RBFOX1: variants seen among roughly 807,000 people sequenced by gnomAD.
The protein encoded by RBFOX1 is RNA binding fox-1 homolog 1, also known as RNA binding protein fox-1 homolog 1.
A neutral mutation model predicts 57.7 loss-of-function variants in RBFOX1; 8 were observed. That is an observed-to-expected ratio of 0.14 (90% CI 0.08 to 0.25). RBFOX1 has a LOEUF of 0.25. RBFOX1 is among the 10% of genes least tolerant of loss of function. RBFOX1 has a pLI of 1.00. For synonymous variants in RBFOX1, 326 were observed against 222.4 expected, an observed-to-expected ratio of 1.47 and a Z score of -4.15; for missense variants, 611 against 548.5, an observed-to-expected ratio of 1.11 and a Z score of -1.14.
At chr16:6,973,185 G>A (rs1323528266) in intron 3 of RBFOX1, among the ~76,000 whole-genome samples, 3 of 151,170 alleles carry the variant, frequency 2.0e-5, no homozygotes, top group Admixed American at 1.3e-4. Context: ...TTGAGAGAGT[G>A]TGTGTGTGGT....
chr16:6,944,337 G>T (rs962267564), intron 3 of RBFOX1, among the ~76,000 whole-genome samples: 1 of 150,278 alleles, frequency 6.7e-6, no homozygotes, highest in African/African-American at 2.4e-5. Flanking sequence ...GGAGGTTGCA[G>T]TGTGCCAAGA....
intron 3 of RBFOX1, among the ~76,000 whole-genome samples, chr16:6,986,148 C>G (rs900011840): frequency 1.1e-4 from 13 of 120,536 alleles, no homozygotes; most frequent in African/African-American, 4.4e-4. Flanking sequence ...TGTACAATAA[C>G]CCTTATATAC....
At chr16:5,486,157 C>A (rs892228609) in intron 2 of RBFOX1, among the ~76,000 whole-genome samples, 4 of 152,196 alleles carry the variant, frequency 2.6e-5, no homozygotes, top group African/African-American at 9.7e-5. Context: ...TAAAAATGCT[C>A]TTCAATTCAG....
intron 2 of RBFOX1, among the ~76,000 whole-genome samples, chr16:6,612,860 A>ATAAT (rs1555612722): frequency 0.08 from 2,228 of 27,814 alleles, 31 homozygotes; most frequent in Middle Eastern, 0.27. Context: ...AAAAAAAAAA[A>ATAAT]AAAAATAATA....
chr16:6,984,717 T>G lies in RBFOX1; in HGVS notation c.-15-67340T>G, dbSNP rs181620476. On this transcript the variant is annotated intron_variant, in intron 3 of 15. Coordinates refer to ENST00000550418, the MANE Select transcript of RBFOX1 (RefSeq NM_018723.4). ...GTGCAGTGGTGTGATCTCTTCTCACTGCAACCTCTGCCTCCCAGGTTCATG... is the reference window on the plus strand; with the variant it reads ...GTGCAGTGGTGTGATCTCTTCTCACGGCAACCTCTGCCTCCCAGGTTCATG... Among the ~76,000 whole-genome samples the G allele has an allele frequency of 2.2e-3, 335 of 152,264 alleles. 3 individuals carry two copies. The highest frequency in any genetic ancestry group is 0.019 in the Admixed American group (296 of 15,274).
chr16:6,440,801 GAAAAAAAA>G (rs140805062), intron 2 of RBFOX1, among the ~76,000 whole-genome samples: 1 of 118,584 alleles, frequency 8.4e-6, no homozygotes, highest in Non-Finnish European at 1.7e-5. Flanking sequence ...ACACCATCTG[GAAAAAAAA>G]AAAAAAAAAA....
At chr16:7,450,827 T>G (rs2098846353) in intron 4 of RBFOX1, among the ~76,000 whole-genome samples, 1 of 152,034 alleles carries the variant, frequency 6.6e-6, no homozygotes. Context: ...TTCAGGGGTC[T>G]GGTGGGGTGG....
chr16:6,265,540 G>T (rs753389045), intron 1 of RBFOX1, among the ~76,000 whole-genome samples: 2 of 152,140 alleles, frequency 1.3e-5, no homozygotes, highest in Non-Finnish European at 2.9e-5. Context: ...GGGATTACAG[G>T]TATGAGCCAC....
chr16:6,413,233 C>T (rs1428055290), intron 2 of RBFOX1, among the ~76,000 whole-genome samples: 1 of 150,502 alleles, frequency 6.6e-6, no homozygotes, highest in Non-Finnish European at 1.5e-5. Context: ...GCATGAAGAT[C>T]ACTTGAACCC....
chr16:6,421,819 C>G (rs1449495313), intron 2 of RBFOX1, among the ~76,000 whole-genome samples: 2 of 151,956 alleles, frequency 1.3e-5, no homozygotes, highest in Non-Finnish European at 2.9e-5. Flanking sequence ...CAGTCAGACT[C>G]CGTCTTATGC....
chr16:6,452,958 A>G (rs912100663), intron 2 of RBFOX1, among the ~76,000 whole-genome samples: 6 of 152,178 alleles, frequency 3.9e-5, no homozygotes, highest in African/African-American at 1.4e-4. Context: ...TGCTTAGTAT[A>G]ACTTCTGTAT....
intron 4 of RBFOX1, among the ~76,000 whole-genome samples, chr16:5,983,231 G>T (rs558367383): frequency 6.6e-6 from 1 of 152,356 alleles, no homozygotes; most frequent in African/African-American, 2.4e-5. Flanking sequence ...TCCTCAGAAA[G>T]TGGCAGATCC....
At chr16:7,534,425 C>T (rs538645719) in intron 5 of RBFOX1, among the ~76,000 whole-genome samples, 4 of 152,062 alleles carry the variant, frequency 2.6e-5, no homozygotes, top group Non-Finnish European at 5.9e-5. Flanking sequence ...TGAGGACACA[C>T]AATAGAGCCA....
intron 4 of RBFOX1, among the ~76,000 whole-genome samples, chr16:7,204,343 C>G (rs1307016194): frequency 2.0e-5 from 3 of 152,138 alleles, no homozygotes; most frequent in African/African-American, 7.2e-5. Context: ...TTAGCATTCC[C>G]ATATTTATAA....
chr16:6,841,030 T>C (rs1312057880), intron 3 of RBFOX1, among the ~76,000 whole-genome samples: 2 of 152,090 alleles, frequency 1.3e-5, no homozygotes, highest in East Asian at 1.9e-4. Context: ...GCCTCCAGAA[T>C]TGGGAGAAAT....
At chr16:6,450,821 ATATATATATATATATGTG>A (rs2094592455) in intron 2 of RBFOX1, among the ~76,000 whole-genome samples, 1 of 28,614 alleles carries the variant, frequency 3.5e-5, no homozygotes, top group East Asian at 6.7e-4. Flanking sequence ...ATATATACAT[ATATATATATATATATGTG>A]TATATATATA....
chr16:6,658,502 C>T (rs1367200464), intron 3 of RBFOX1, among the ~76,000 whole-genome samples: 3 of 152,100 alleles, frequency 2.0e-5, no homozygotes, highest in Admixed American at 6.5e-5. Flanking sequence ...CCACCACACC[C>T]GGCCGAGAGC....
chr16:7,500,977 T>C (rs2070609131), intron 4 of RBFOX1, among the ~76,000 whole-genome samples: 1 of 152,334 alleles, frequency 6.6e-6, no homozygotes, highest in African/African-American at 2.4e-5. Flanking sequence ...GCTCGGCCCT[T>C]GTCCTTCCTG....
chr16:7,181,042 A>G (rs146377141), intron 4 of RBFOX1, among the ~76,000 whole-genome samples: 37 of 152,328 alleles, frequency 2.4e-4, no homozygotes, highest in Admixed American at 2.3e-3. Flanking sequence ...GTTTTTAACC[A>G]CAGTCAGCGA....
Sources: allele counts gnomAD v4.1 joint callset (sites outside exome capture counted in the v4.1 genomes callset), GRCh38; gene constraint gnomAD v4.1.1; transcripts MANE v1.5; gene names NCBI Gene and HGNC (gene_info 2026-07-23, HGNC 2026-07-21).